DIAPH2: variants seen among roughly 807,000 people sequenced by gnomAD.
DIAPH2 encodes the protein protein diaphanous homolog 2.
DIAPH2 carries 35 observed loss-of-function variants against 92.7 expected under a neutral mutation model. The observed-to-expected ratio is 0.38, with a 90% confidence interval of 0.29 to 0.50. DIAPH2 has a LOEUF of 0.50. Among genes scored for constraint, DIAPH2 ranks in the 20% least tolerant of loss-of-function variants. The pLI is 0.94. For missense variants in DIAPH2, 701 were observed against 819.5 expected (o/e 0.86, Z 1.77); for synonymous variants, 301 against 280.4 (o/e 1.07, Z -0.73).
Position 96,948,979 on chromosome X carries a change from T to A in DIAPH2, c.1554T>A (p.Leu518=), listed in dbSNP as rs1434992246. The change falls in exon 15 of 27, where the codon CTT becomes CTA. Residue 518 remains leucine (L), a synonymous_variant. Transcript: ENST00000324765. ...CTCGACAGGAAGCTCAAGCAGAGCT[T>A]CAAAAAAGAGATGAGAAAATCAAAG... ...FTARQEAQAE[L]QKRDEKIKEL... is the part of the protein sequence containing the mutation. The A allele has an allele frequency of 8.3e-7, 1 of 1,205,009 alleles. No homozygotes were observed. The highest frequency in any genetic ancestry group is 3.0e-5 in the East Asian group (1 of 33,594).
At chrX:96,870,301 A>G (rs2065131593) in intron 4 of DIAPH2, among the ~76,000 whole-genome samples, 1 of 110,510 alleles carries the variant, frequency 9.0e-6, no homozygotes, top group Non-Finnish European at 1.9e-5. Flanking sequence ...TCGCTCTGTC[A>G]CCCAGGCTAG....
chrX:97,381,259 C>T (rs777201511), intron 24 of DIAPH2, among the ~76,000 whole-genome samples: 62 of 111,197 alleles, frequency 5.6e-4, no homozygotes, highest in African/African-American at 1.8e-3. Context: ...TCTGTATCAA[C>T]ATTTCTATTT....
intron 19 of DIAPH2, among the ~76,000 whole-genome samples, chrX:97,080,442 G>T (rs1401823991): frequency 1.8e-5 from 2 of 109,847 alleles, no homozygotes; most frequent in Non-Finnish European, 3.8e-5. Flanking sequence ...ATGGGACTAT[G>T]CCAGCTTGCT....
intron 17 of DIAPH2, among the ~76,000 whole-genome samples, chrX:97,002,166 T>C (rs769681916): frequency 1.8e-5 from 2 of 111,219 alleles, no homozygotes; most frequent in Non-Finnish European, 3.8e-5. Flanking sequence ...AATACTCATT[T>C]GCACATTGGA....
At chrX:97,011,504 GA>G (rs1301963165) in intron 17 of DIAPH2, among the ~76,000 whole-genome samples, 5 of 111,960 alleles carry the variant, frequency 4.5e-5, no homozygotes, top group African/African-American at 1.6e-4. Context: ...TGAGGTGCAA[GA>G]AAACTGCCCT....
intron 20 of DIAPH2, among the ~76,000 whole-genome samples, chrX:97,110,818 C>T (rs1400032675): frequency 9.1e-6 from 1 of 110,363 alleles, no homozygotes; most frequent in Non-Finnish European, 1.9e-5. Flanking sequence ...CCCGTCTCTA[C>T]TAAAAATATA....
At chrX:97,090,116 T>A (rs2066812426) in intron 19 of DIAPH2, among the ~76,000 whole-genome samples, 1 of 111,595 alleles carries the variant, frequency 9.0e-6, no homozygotes, top group African/African-American at 3.3e-5. Flanking sequence ...AATACACTTA[T>A]ATAGGTTATA....
intron 22 of DIAPH2, among the ~76,000 whole-genome samples, chrX:97,200,450 G>A (rs2067738629): frequency 1.7e-3 from 2 of 1,172 alleles, no homozygotes. Context: ...CTGGAGTCGA[G>A]CTGGGATGAT....
chrX:96,842,751 G>A (rs990718020), intron 4 of DIAPH2, among the ~76,000 whole-genome samples: 2 of 109,299 alleles, frequency 1.8e-5, no homozygotes, highest in African/African-American at 3.3e-5. Flanking sequence ...ACTGAAGAGT[G>A]TCTCCTTAGA....
intron 23 of DIAPH2, among the ~76,000 whole-genome samples, chrX:97,335,463 G>A (rs980770282): frequency 1.8e-5 from 2 of 111,725 alleles, no homozygotes; most frequent in African/African-American, 3.3e-5. Flanking sequence ...TAACATCTGT[G>A]TATGCCTACC....
intron 1 of DIAPH2, among the ~76,000 whole-genome samples, chrX:96,689,154 GAT>G (rs2063786488): frequency 9.3e-6 from 1 of 107,184 alleles, no homozygotes; most frequent in Non-Finnish European, 1.9e-5. Context: ...AAGGTAAACA[GAT>G]AAGGGAGCAT....
At chrX:97,085,885 G>T (rs745600582) in intron 19 of DIAPH2, among the ~76,000 whole-genome samples, 2 of 111,681 alleles carry the variant, frequency 1.8e-5, no homozygotes, top group Non-Finnish European at 1.9e-5. Context: ...GTGGCTTCAA[G>T]AGTGTTTTCA....
At chrX:97,498,322 G>T (rs2070773664) in intron 26 of DIAPH2, among the ~76,000 whole-genome samples, 1 of 111,362 alleles carries the variant, frequency 9.0e-6, no homozygotes, top group Non-Finnish European at 1.9e-5. Context: ...CTCTCTCTTA[G>T]CTTCTGCTTC....
At chrX:97,502,809 G>C (rs1389318475) in intron 26 of DIAPH2, among the ~76,000 whole-genome samples, 2 of 112,278 alleles carry the variant, frequency 1.8e-5, no homozygotes, top group Admixed American at 1.9e-4. Context: ...CTTTGCCTCT[G>C]CAAGTCACAA....
At chrX:96,856,586 T>TTA in intron 4 of DIAPH2, among the ~76,000 whole-genome samples, 1 of 105,857 alleles carries the variant, frequency 9.4e-6, no homozygotes, top group Non-Finnish European at 1.9e-5. Flanking sequence ...TATATATATT[T>TTA]AAAAAAAAAG....
intron 8 of DIAPH2, 86 bp from the exon 9 acceptor site, chrX:96,918,423 A>G: frequency 1.8e-6 from 1 of 565,381 alleles, no homozygotes. Flanking sequence ...TACCAGAAAG[A>G]AAACAGGGAA....
At chrX:97,368,854 G>A (rs759055187) in intron 24 of DIAPH2, among the ~76,000 whole-genome samples, 14 of 104,000 alleles carry the variant, frequency 1.3e-4, no homozygotes, top group African/African-American at 4.9e-4. Context: ...TATCTTAATA[G>A]AATATCACAC....
At chrX:97,314,845 A>G (rs1426289176) in intron 23 of DIAPH2, among the ~76,000 whole-genome samples, 5 of 112,192 alleles carry the variant, frequency 4.5e-5, no homozygotes, top group Admixed American at 9.5e-5. Flanking sequence ...GTGTATGAGC[A>G]TAAATAGTGC....
intron 3 of DIAPH2, among the ~76,000 whole-genome samples, chrX:96,742,964 G>A (rs1192636230): frequency 8.9e-6 from 1 of 112,503 alleles, no homozygotes; most frequent in Admixed American, 9.4e-5. Context: ...GTGCCCAGCC[G>A]ATTCCTGTTA....
Sources: gnomAD v4.1 joint callset for allele counts (sites outside exome capture counted in the v4.1 genomes callset) on GRCh38, gnomAD v4.1.1 for gene constraint, MANE v1.5 for transcripts, NCBI Gene and HGNC (gene_info 2026-07-23, HGNC 2026-07-21) for gene names.